Variants in KIAA1549 observed in about 807,000 individuals in gnomAD.
KIAA1549 encodes the protein KIAA1549, also known as UPF0606 protein KIAA1549.
Under a neutral mutation model 156.4 loss-of-function variants are expected in KIAA1549, and 70 were observed. The observed-to-expected ratio is 0.45, with a 90% CI of 0.37 to 0.55. The LOEUF is 0.55. Among genes scored for constraint, KIAA1549 ranks in the 20% least tolerant of loss-of-function variants. KIAA1549 has a pLI of 0.00. For synonymous variants in KIAA1549, 1,103 were observed against 1,066.4 expected, an observed-to-expected ratio of 1.03 and a Z score of -0.67; for missense variants, 2,428 against 2,540.9, an observed-to-expected ratio of 0.96 and a Z score of 0.96.
chr7:138,865,372 G>C (rs1810706600), intron 15 of KIAA1549, among the ~76,000 whole-genome samples: 1 of 151,888 alleles, frequency 6.6e-6, no homozygotes, highest in African/African-American at 2.4e-5. Flanking sequence ...AGATATTTTT[G>C]AGGGGAAAGT....
intron 1 of KIAA1549, among the ~76,000 whole-genome samples, chr7:138,940,895 T>A (rs1025269194): frequency 6.6e-6 from 1 of 152,160 alleles, no homozygotes; most frequent in South Asian, 2.1e-4. Flanking sequence ...GTTTGAGTTC[T>A]TTGTAGATTC....
At chr7:138,957,510 C>A (rs186190778) in intron 1 of KIAA1549, among the ~76,000 whole-genome samples, 18 of 135,780 alleles carry the variant, frequency 1.3e-4, no homozygotes, top group African/African-American at 5.2e-4. Context: ...TGAAGTCTCG[C>A]TGTTTGGCCC....
At chr7:138,885,286 C>T (rs979201366) in intron 10 of KIAA1549, among the ~76,000 whole-genome samples, 8 of 152,048 alleles carry the variant, frequency 5.3e-5, no homozygotes, top group South Asian at 2.1e-4. Flanking sequence ...AGTAACAATG[C>T]GGAAGGGGTC....
intron 10 of KIAA1549, among the ~76,000 whole-genome samples, chr7:138,892,161 G>A (rs1401495350): frequency 2.0e-5 from 3 of 152,188 alleles, no homozygotes; most frequent in African/African-American, 7.2e-5. Context: ...CTAAGGGCTG[G>A]AAGTTCCATC....
chr7:138,953,020 A>G (rs1382749729), intron 1 of KIAA1549, among the ~76,000 whole-genome samples: 1 of 152,248 alleles, frequency 6.6e-6, no homozygotes, highest in African/African-American at 2.4e-5. Context: ...AGAAGTGATC[A>G]AATTTTGTTG....
At chr7:138,965,515 T>G (rs1307120080) in intron 1 of KIAA1549, among the ~76,000 whole-genome samples, 2 of 152,138 alleles carry the variant, frequency 1.3e-5, no homozygotes, top group Non-Finnish European at 2.9e-5. Context: ...CATTGAAAGC[T>G]GAAGACAATA....
At chr7:138,947,763 CTTTTT>C (rs879306946) in intron 1 of KIAA1549, among the ~76,000 whole-genome samples, 1 of 147,218 alleles carries the variant, frequency 6.8e-6, no homozygotes, top group South Asian at 2.1e-4. Context: ...CAGGGGCCAA[CTTTTT>C]TTTTTTATTT....
chr7:138,940,823 G>T (rs1018123416), intron 1 of KIAA1549, among the ~76,000 whole-genome samples: 8 of 152,216 alleles, frequency 5.3e-5, no homozygotes, highest in Admixed American at 5.2e-4. Flanking sequence ...CTTTTGAGAA[G>T]TGTCTGTTCA....
intron 17 of KIAA1549, among the ~76,000 whole-genome samples, chr7:138,847,780 G>T (rs1475367235): frequency 5.9e-5 from 9 of 152,146 alleles, no homozygotes; most frequent in African/African-American, 2.2e-4. Flanking sequence ...ATATTAAAAA[G>T]GAATTACTGG....
chr7:138,960,743 G>C (rs954963400), intron 1 of KIAA1549, among the ~76,000 whole-genome samples: 1 of 152,094 alleles, frequency 6.6e-6, no homozygotes, highest in African/African-American at 2.4e-5. Flanking sequence ...TGCGGCCAGA[G>C]AGTAAAACTG....
rs1387340606 is a variant in KIAA1549, at chr7:138,836,044, G to A, written c.*1862C>T. On this transcript the variant is annotated 3_prime_UTR_variant, in exon 20 of 20. Coordinates refer to ENST00000422774, the MANE Select transcript of KIAA1549 (RefSeq NM_001164665.2). ...CTAAAACATGGTTTTGAAATCCAGTGATTACACTTTGGAAACCTGTTTTAG... is the reference window on the plus strand; with the variant it reads ...CTAAAACATGGTTTTGAAATCCAGTAATTACACTTTGGAAACCTGTTTTAG... The A allele has an allele frequency of 4.7e-6, 1 of 212,328 alleles. No individual in the cohort carries two copies. Among genetic ancestry groups the A allele is most frequent in the African/African-American group, 2.3e-5 (1 of 44,106 alleles). The allele number at this position is 212,328 out of a possible 1,614,324, so 13.2% of individuals were successfully genotyped here. A position where few individuals can be genotyped will look rare whatever the true frequency, so the allele number is the denominator to read the frequency against.
intron 18 of KIAA1549, among the ~76,000 whole-genome samples, chr7:138,843,905 T>C (rs1271450181): frequency 1.3e-5 from 2 of 152,178 alleles, no homozygotes; most frequent in Non-Finnish European, 1.5e-5. Flanking sequence ...AACTACTTGC[T>C]TTTGTTTTGT....
At chr7:138,854,596 C>T (rs1004203585) in intron 16 of KIAA1549, among the ~76,000 whole-genome samples, 1 of 151,946 alleles carries the variant, frequency 6.6e-6, no homozygotes, top group African/African-American at 2.4e-5. Context: ...AGTGATCAGG[C>T]TCCCCTTGGC....
intron 10 of KIAA1549, among the ~76,000 whole-genome samples, chr7:138,885,576 C>T (rs187093876): frequency 6.6e-6 from 1 of 152,332 alleles, no homozygotes; most frequent in Admixed American, 6.5e-5. Context: ...CAGCCAGACA[C>T]AACGGCAACC....
Position 138,956,622 on chromosome 7 carries a change from G to A in KIAA1549, c.187+24461C>T, listed in dbSNP as rs142315053. 6.7e-3 allele frequency among the ~76,000 whole-genome samples: 1,020 copies of A among 152,234 alleles called. 10 individuals are homozygous for A. The highest frequency in any genetic ancestry group is 0.024 in the African/African-American group (977 of 41,536). ...TCTCTTGTCTGCCACCATGTAAGAC[G>A]TGCCTCTCACCTTCTGCCATGATTG... On this transcript the variant is annotated intron_variant, in intron 1 of 19. Coordinates refer to ENST00000422774, the MANE Select transcript of KIAA1549 (RefSeq NM_001164665.2).
chr7:138,927,720 A>G (rs1384548856), intron 1 of KIAA1549, among the ~76,000 whole-genome samples: 2 of 152,228 alleles, frequency 1.3e-5, no homozygotes, highest in Non-Finnish European at 2.9e-5. Flanking sequence ...TCGTTGAACC[A>G]ATCTGTGTTT....
At chr7:138,900,466 T>C (rs1449145024) in intron 8 of KIAA1549, among the ~76,000 whole-genome samples, 2 of 152,226 alleles carry the variant, frequency 1.3e-5, no homozygotes, top group African/African-American at 4.8e-5. Flanking sequence ...TCTAATAAAT[T>C]TAAAAAGTAT....
rs1321158503 is a variant in KIAA1549 at position 138,834,649 on chromosome 7, T to C, written c.*3257A>G. On this transcript the variant is annotated 3_prime_UTR_variant, in exon 20 of 20. Transcript: ENST00000422774. ...GCAATCGGAAAATTGGTGAAGGAAGTGAAATTAAAGCAAAATGGGAGTGAG... is the reference window on the plus strand; with the variant it reads ...GCAATCGGAAAATTGGTGAAGGAAGCGAAATTAAAGCAAAATGGGAGTGAG... 1 of 231,936 alleles carries C rather than the reference T, an allele frequency of 4.3e-6. No homozygotes were observed. The highest frequency in any genetic ancestry group is 8.5e-6 in the Non-Finnish European group (1 of 117,448). The allele number at this position is 231,936 out of a possible 1,614,324, so 14.4% of individuals were successfully genotyped here.
intron 14 of KIAA1549, among the ~76,000 whole-genome samples, chr7:138,869,028 G>A (rs1024841161): frequency 4.6e-5 from 7 of 152,276 alleles, no homozygotes; most frequent in East Asian, 1.9e-4. Flanking sequence ...TGTCGGGGAC[G>A]GGAGTCTGGG....
Sources: allele counts gnomAD v4.1 joint callset (sites outside exome capture counted in the v4.1 genomes callset), GRCh38; gene constraint gnomAD v4.1.1; transcripts MANE v1.5; gene names NCBI Gene and HGNC (gene_info 2026-07-23, HGNC 2026-07-21).